COL4A1: variants seen among roughly 807,000 people sequenced by gnomAD.
COL4A1 encodes collagen alpha-1(IV) chain.
Under a neutral mutation model 216.6 loss-of-function variants are expected in COL4A1, and 40 were observed. The observed-to-expected ratio is 0.18, with a 90% CI of 0.14 to 0.24. The LOEUF is 0.24. COL4A1 is among the 10% of genes least tolerant of loss of function. The pLI is 1.00. For missense variants in COL4A1, 1,628 were observed against 2,196.8 expected, an observed-to-expected ratio of 0.74 and a Z score of 5.18; for synonymous variants, 839 against 810.7, an observed-to-expected ratio of 1.03 and a Z score of -0.59.
At chr13:110,188,144 T>A (rs1434196877) in intron 24 of COL4A1, among the ~76,000 whole-genome samples, 1 of 152,220 alleles carries the variant, frequency 6.6e-6, no homozygotes, top group Non-Finnish European at 1.5e-5. Context: ...AAACAGAAAA[T>A]GTTTCCAACA....
chr13:110,185,635 C>T (rs879389674), intron 26 of COL4A1, among the ~76,000 whole-genome samples: 3 of 152,326 alleles, frequency 2.0e-5, no homozygotes, highest in East Asian at 1.9e-4. Context: ...GAAGAACAGG[C>T]GTGCTCCATG....
intron 1 of COL4A1, among the ~76,000 whole-genome samples, chr13:110,304,675 T>G (rs1340547170): frequency 6.6e-6 from 1 of 152,078 alleles, no homozygotes; most frequent in Non-Finnish European, 1.5e-5. Context: ...AAATCAATGG[T>G]TTAGAAAATC....
At chr13:110,180,246 G>A (rs1040564763) in intron 29 of COL4A1, among the ~76,000 whole-genome samples, 3 of 152,216 alleles carry the variant, frequency 2.0e-5, no homozygotes, top group African/African-American at 7.2e-5. Context: ...TAACTCCTGA[G>A]TCTTGCACTA....
intron 29 of COL4A1, among the ~76,000 whole-genome samples, chr13:110,180,335 G>A (rs915039791): frequency 1.3e-5 from 2 of 152,202 alleles, no homozygotes; most frequent in Admixed American, 6.5e-5. Context: ...AGCTGGTGGC[G>A]GGTTGTACAA....
At chr13:110,165,687 T>C (rs1266144885) in intron 45 of COL4A1, among the ~76,000 whole-genome samples, 1 of 151,898 alleles carries the variant, frequency 6.6e-6, no homozygotes, top group Non-Finnish European at 1.5e-5. Context: ...GTTTGGAAAA[T>C]TAAATGATGC....
At position 110,189,095 on chromosome 13, in the gene COL4A1, CT is replaced by C. The variant is rs370451014; in HGVS notation, c.1537-1767del. Among the ~76,000 whole-genome samples the C allele has an allele frequency of 9.2e-5, 14 of 152,340 alleles. 1 individual carries two copies. The East Asian group carries it at 1.9e-3, about 21-fold the overall frequency. On this transcript the variant is annotated intron_variant, in intron 24 of 51. Coordinates refer to ENST00000375820, the MANE Select transcript of COL4A1 (RefSeq NM_001845.6). ...TTTGTTTTGTTGAGACAGATTTTCG[CT>C]CTTGTTGCCCAGGCTGGAGTGCAAT...
chr13:110,172,656 C>T, intron 41 of COL4A1, 64 bp downstream of exon 41: 3 of 1,499,144 alleles, frequency 2.0e-6, no homozygotes, highest in Non-Finnish European at 2.8e-6. Flanking sequence ...GACACTGCCC[C>T]TTGTTCTGCT....
chr13:110,150,357 G>T lies in COL4A1; in HGVS notation c.*6C>A. On this transcript the variant is annotated 3_prime_UTR_variant, in exon 52 of 52. Transcript: ENST00000375820. ...CATGTTGTGACATTAGCTGAGTCAGGCTTCATTATGTTCTTCTCATACAGA... is the reference window on the plus strand; with the variant it reads ...CATGTTGTGACATTAGCTGAGTCAGTCTTCATTATGTTCTTCTCATACAGA... 6.2e-7 allele frequency: 1 copy of T among 1,613,336 alleles called. No individual in the cohort carries two copies. The highest frequency in any genetic ancestry group is 8.5e-7 in the Non-Finnish European group (1 of 1,179,580).
intron 41 of COL4A1, 144 bp from the exon 42 acceptor site, chr13:110,170,876 G>A: frequency 1.2e-6 from 1 of 814,550 alleles, no homozygotes; most frequent in Non-Finnish European, 2.1e-6. Flanking sequence ...ACAGGAAACT[G>A]CAGCAAGGGC....
intron 1 of COL4A1, among the ~76,000 whole-genome samples, chr13:110,291,072 G>A (rs537300800): frequency 2.0e-5 from 3 of 152,278 alleles, no homozygotes; most frequent in East Asian, 3.9e-4. Flanking sequence ...TGTCCTGCCC[G>A]CCCCTCTCCT....
intron 1 of COL4A1, among the ~76,000 whole-genome samples, chr13:110,302,109 G>A (rs1036155113): frequency 2.0e-5 from 3 of 152,110 alleles, no homozygotes; most frequent in Admixed American, 6.5e-5. Flanking sequence ...GGAAAGCTGC[G>A]GGCACCTCTG....
chr13:110,270,231 C>T (rs955991925), intron 1 of COL4A1, among the ~76,000 whole-genome samples: 7 of 152,206 alleles, frequency 4.6e-5, no homozygotes, highest in African/African-American at 1.7e-4. Context: ...TCCTACCATA[C>T]CCAGTAGGGG....
chr13:110,213,262 T>C (rs947643670), intron 4 of COL4A1, among the ~76,000 whole-genome samples: 1 of 124,548 alleles, frequency 8.0e-6, no homozygotes, highest in African/African-American at 2.8e-5. Context: ...CCAAAAAAAA[T>C]TGAAATAAAA....
At chr13:110,155,015 G>A (rs1876710233) in intron 50 of COL4A1, among the ~76,000 whole-genome samples, 1 of 152,256 alleles carries the variant, frequency 6.6e-6, no homozygotes, top group African/African-American at 2.4e-5. Flanking sequence ...GCAGAGGCCT[G>A]GGCCTGCATT....
In COL4A1 at chr13:110,201,425, G is replaced by A. The variant is rs751446647; in HGVS notation, c.1084+13C>T. 1 of 1,612,614 alleles carries A rather than the reference G, an allele frequency of 6.2e-7. No homozygotes were observed. Among genetic ancestry groups the A allele is most frequent in the Admixed American group, 1.7e-5 (1 of 59,934 alleles). On this transcript the variant is annotated intron_variant, in intron 19 of 51. Transcript: ENST00000375820. The stretch of plus-strand genomic sequence containing the variant: ...GGGAGTAGGAGGAGGGGGGAAAAAG[G>A]CAAGAAAGCTACCTTTTGGGCCTGG...
At position 110,164,091 on chromosome 13, in the gene COL4A1, C is replaced by T. The variant is rs576504704; in HGVS notation, c.4151-530G>A. ...GCAGCCTCGACCTCCCGGGCTCAAG[C>T]GATTCTCCTACCTCAGCCTCTCGAG... On this transcript the variant is annotated intron_variant, in intron 46 of 51. Transcript: ENST00000375820. Among the ~76,000 whole-genome samples, 10 of 148,758 alleles carry T rather than the reference C, an allele frequency of 6.7e-5. No homozygotes were observed. The South Asian group carries it at 2.1e-3, about 32-fold the overall frequency.
chr13:110,304,220 C>T (rs1009393303), intron 1 of COL4A1, among the ~76,000 whole-genome samples: 1 of 152,130 alleles, frequency 6.6e-6, no homozygotes, highest in African/African-American at 2.4e-5. Flanking sequence ...GGCGATGCTG[C>T]TCTTGTTGGG....
chr13:110,212,233 A>T (rs1377605246), intron 6 of COL4A1, among the ~76,000 whole-genome samples, 184 bp downstream of exon 6: 2 of 152,258 alleles, frequency 1.3e-5, no homozygotes, highest in Non-Finnish European at 1.5e-5. Context: ...GAACAATTAT[A>T]TCTTTCTGGT....
At chr13:110,154,353 G>A (rs1362415604) in intron 50 of COL4A1, among the ~76,000 whole-genome samples, 1 of 152,320 alleles carries the variant, frequency 6.6e-6, no homozygotes, top group Middle Eastern at 3.4e-3. Flanking sequence ...TGGCTTTTGT[G>A]GGAAAGGGAA....
Sources: allele counts gnomAD v4.1 joint callset (sites outside exome capture counted in the v4.1 genomes callset), GRCh38; gene constraint gnomAD v4.1.1; transcripts MANE v1.5; gene names NCBI Gene and HGNC (gene_info 2026-07-23, HGNC 2026-07-21).